CPLX2: variants seen among roughly 807,000 people sequenced by gnomAD.
CPLX2 encodes the protein complexin-2.
In CPLX2, 5 loss-of-function variants were observed where a neutral mutation model predicts 16.3. The ratio of observed to expected loss-of-function variants is 0.31; its 90% CI spans 0.16 to 0.64. The LOEUF is 0.64. Among genes scored for constraint, CPLX2 ranks in the 30% least tolerant of loss-of-function variants. The pLI is 0.79. For synonymous variants in CPLX2, 89 were observed against 73.2 expected (o/e 1.22, Z -1.10); for missense variants, 144 against 181.4 (o/e 0.79, Z 1.18).
chr5:175,805,962 C>A (rs1027823220), intron 1 of CPLX2, among the ~76,000 whole-genome samples: 6 of 152,230 alleles, frequency 3.9e-5, no homozygotes, highest in African/African-American at 1.4e-4. Context: ...GATAGCTACT[C>A]CTCCTATCTT....
At chr5:175,824,992 C>T (rs1758585104) in intron 2 of CPLX2, among the ~76,000 whole-genome samples, 1 of 152,160 alleles carries the variant, frequency 6.6e-6, no homozygotes, top group African/African-American at 2.4e-5. Context: ...AGCCCCCATT[C>T]CCTCCTCTGA....
chr5:175,818,648 AC>A (rs1758451036), intron 2 of CPLX2, among the ~76,000 whole-genome samples: 1 of 79,606 alleles, frequency 1.3e-5, no homozygotes, highest in Non-Finnish European at 2.5e-5. Flanking sequence ...TGCTGTCCCA[AC>A]CTTTTTTTTT....
chr5:175,871,463 G>GAA (rs1759611121), upstream of CPLX2: 1 of 147,440 alleles, frequency 6.8e-6, no homozygotes, highest in East Asian at 2.0e-4. Context: ...GAGAGAGAGA[G>GAA]AGAGAGAGAG....
intron 1 of CPLX2, among the ~76,000 whole-genome samples, chr5:175,876,024 G>A (rs1759748317): frequency 6.6e-6 from 1 of 152,074 alleles, no homozygotes; most frequent in South Asian, 2.1e-4. Context: ...TACAGAAATG[G>A]CATGTTAAGT....
chr5:175,858,749 T>G (rs1023955232), intron 2 of CPLX2, among the ~76,000 whole-genome samples: 5 of 152,260 alleles, frequency 3.3e-5, no homozygotes, highest in African/African-American at 1.2e-4. Flanking sequence ...CACCTTCAGC[T>G]GAGAGACACT....
chr5:175,841,948 C>G (rs915570242), intron 2 of CPLX2, among the ~76,000 whole-genome samples: 1 of 152,164 alleles, frequency 6.6e-6, no homozygotes, highest in African/African-American at 2.4e-5. Context: ...TTTCTTGGAC[C>G]CCACTCTCCT....
chr5:175,841,266 A>T (rs1758938747), intron 2 of CPLX2, among the ~76,000 whole-genome samples: 1 of 152,134 alleles, frequency 6.6e-6, no homozygotes, highest in African/African-American at 2.4e-5. Context: ...TGCAAACCCA[A>T]CACGGAGACA....
intron 2 of CPLX2, among the ~76,000 whole-genome samples, chr5:175,859,061 T>C (rs1236535877): frequency 6.6e-6 from 1 of 152,030 alleles, no homozygotes; most frequent in African/African-American, 2.4e-5. Flanking sequence ...GCATACAGGG[T>C]CCCTCCTCCA....
At chr5:175,817,146 T>G (rs1273316758) in intron 2 of CPLX2, among the ~76,000 whole-genome samples, 1 of 152,238 alleles carries the variant, frequency 6.6e-6, no homozygotes, top group Non-Finnish European at 1.5e-5. Context: ...TGCCATGCTT[T>G]CTTCAGGCTA....
chr5:175,805,349 G>C (rs1195074880), intron 1 of CPLX2: 1 of 152,178 alleles, frequency 6.6e-6, no homozygotes, highest in Non-Finnish European at 1.5e-5. Flanking sequence ...ACTAAAATCT[G>C]TGTCAGCAAC....
chr5:175,858,125 C>T (rs1338399194), intron 2 of CPLX2, among the ~76,000 whole-genome samples: 1 of 152,216 alleles, frequency 6.6e-6, no homozygotes, highest in African/African-American at 2.4e-5. Context: ...TGGATACAAA[C>T]CCAATGCCCC....
rs1561781783 is a variant in CPLX2 at position 175,845,949 on chromosome 5, T to A, written c.-88-32703T>A. Among the ~76,000 whole-genome samples the A allele has an allele frequency of 6.6e-6, 1 of 152,098 alleles. No homozygotes were observed. Among genetic ancestry groups the A allele is most frequent in the Non-Finnish European group, 1.5e-5 (1 of 68,010 alleles). On this transcript the variant is annotated intron_variant, in intron 2 of 4. Coordinates refer to the CPLX2 transcript ENST00000359546. The surrounding 1 kb of genome is among the most constrained non-coding windows in gnomAD (Gnocchi z 4.0). ...ACCCCTCTGGCTTCATCCCCAGCAA[T>A]CTGAAAGATGCAGATGGCCTGTCCC...
chr5:175,823,960 T>C (rs990984793), intron 2 of CPLX2, among the ~76,000 whole-genome samples: 4 of 152,194 alleles, frequency 2.6e-5, no homozygotes, highest in African/African-American at 7.2e-5. Context: ...CTTTCAATAA[T>C]GCATGTCCTC....
At chr5:175,866,762 G>A (rs903184577), upstream of CPLX2, among the ~76,000 whole-genome samples, 1 of 152,124 alleles carries the variant, frequency 6.6e-6, no homozygotes, top group African/African-American at 2.4e-5. Flanking sequence ...TGTTGAGCCT[G>A]GTACCCTCTT....
chr5:175,808,267 A>T (rs973200894), intron 1 of CPLX2, among the ~76,000 whole-genome samples: 1 of 152,134 alleles, frequency 6.6e-6, no homozygotes, highest in Admixed American at 6.5e-5. Context: ...GACCTCACTC[A>T]TCCTAAATAT....
chr5:175,879,815 C>A, intron 3 of CPLX2, 33 bp from the exon 4 acceptor site: 1 of 1,579,626 alleles, frequency 6.3e-7, no homozygotes, highest in South Asian at 1.1e-5. Context: ...GCCCACCCCG[C>A]TTCATGCGCG....
intron 2 of CPLX2, among the ~76,000 whole-genome samples, chr5:175,850,151 TG>T (rs1367116130): frequency 8.4e-5 from 6 of 71,056 alleles, no homozygotes; most frequent in African/African-American, 2.1e-4. Context: ...ACAGTTTTTT[TG>T]TTTTTTTTTT....
At position 175,872,123 on chromosome 5, in the gene CPLX2, T is replaced by G. The variant is rs1484486408; in HGVS notation, c.-89+418T>G. The G allele has an allele frequency of 6.6e-6, 1 of 152,244 alleles. No individual in the cohort carries two copies. Among genetic ancestry groups the G allele is most frequent in the Admixed American group, 6.5e-5 (1 of 15,294 alleles). The allele number at this position is 152,244 out of a possible 1,614,324, so 9.4% of individuals were successfully genotyped here. A position where few individuals can be genotyped will look rare whatever the true frequency, so the allele number is the denominator to read the frequency against. On this transcript the variant is annotated intron_variant, in intron 1 of 3. Transcript: ENST00000393745. The surrounding 1 kb of genome is among the most constrained non-coding windows in gnomAD (Gnocchi z 5.0). ...CGATCTAAGCTACTTCTGGCTGTGCTTAACCCGAAGCCCGCCGGAGCACGC... is the reference window on the plus strand; with the variant it reads ...CGATCTAAGCTACTTCTGGCTGTGCGTAACCCGAAGCCCGCCGGAGCACGC...
chr5:175,808,012 T>G (rs1421071953), intron 1 of CPLX2, among the ~76,000 whole-genome samples: 1 of 152,086 alleles, frequency 6.6e-6, no homozygotes, highest in African/African-American at 2.4e-5. Context: ...GGGCTATCGT[T>G]ACTAAAAGAA....
Sources: allele counts gnomAD v4.1 joint callset (sites outside exome capture counted in the v4.1 genomes callset), GRCh38; gene constraint gnomAD v4.1.1; non-coding constraint Gnocchi (gnomAD v3.1); transcripts MANE v1.5; gene names NCBI Gene and HGNC (gene_info 2026-07-23, HGNC 2026-07-21).